ANKAR: variants seen among roughly 807,000 people sequenced by gnomAD.
The protein encoded by ANKAR is ankyrin and armadillo repeat containing.
In ANKAR, 136 loss-of-function variants were observed where a neutral mutation model predicts 146.2. The observed-to-expected ratio is 0.93, with a 90% CI of 0.81 to 1.07. ANKAR has a LOEUF of 1.07. ANKAR is among the 50% of genes least tolerant of loss of function. The pLI is 0.00. For missense variants in ANKAR, 1,567 were observed against 1,679.9 expected, an observed-to-expected ratio of 0.93 and a Z score of 1.18; for synonymous variants, 500 against 575.8, an observed-to-expected ratio of 0.87 and a Z score of 1.88.
chr2:189,706,112 G>C (rs2038909013), intron 8 of ANKAR, among the ~76,000 whole-genome samples: 1 of 151,792 alleles, frequency 6.6e-6, no homozygotes, highest in East Asian at 2.0e-4. Flanking sequence ...GAAGAAAGAA[G>C]AGGCCAGGTG....
rs981097247 is a variant in ANKAR, at chr2:189,743,536, T to A, written c.4010+62T>A. The A allele has an allele frequency of 1.4e-5, 20 of 1,415,590 alleles. No homozygotes were observed. The South Asian group carries it at 2.2e-4, about 16-fold the overall frequency. The allele number at this position is 1,415,590 out of a possible 1,614,324, so 87.7% of individuals were successfully genotyped here. On this transcript the variant is annotated intron_variant, in intron 21 of 22. Transcript: ENST00000684021. ...ATCGATAGAGGAGACTTTAATGAGG[T>A]TTAGTAAGATCCAACAAGAGGAACT...
At chr2:189,719,894 A>T in intron 11 of ANKAR, 81 bp downstream of exon 11, 3 of 1,349,242 alleles carry the variant, frequency 2.2e-6, no homozygotes, top group Non-Finnish European at 3.0e-6. Context: ...AACCCACGTT[A>T]CTATTCAGTG....
intron 20 of ANKAR, among the ~76,000 whole-genome samples, chr2:189,742,905 G>C (rs1350147308): frequency 2.4e-3 from 82 of 33,488 alleles, no homozygotes; most frequent in Non-Finnish European, 2.9e-3. Flanking sequence ...AGAATTACCT[G>C]ACACACACAC....
intron 11 of ANKAR, 35 bp from the exon 12 acceptor site, chr2:189,720,580 TAAAC>T: frequency 7.8e-7 from 1 of 1,282,946 alleles, no homozygotes; most frequent in South Asian, 2.6e-5. Context: ...ACATTTATCT[TAAAC>T]AAATTCAAAT....
chr2:189,754,067 G>A (rs2045691911), intron 18 of ANKAR: 2 of 1,612,158 alleles, frequency 1.2e-6, no homozygotes, highest in East Asian at 2.2e-5. Context: ...CTCAATACCT[G>A]CAGAAATGAG....
intron 22 of ANKAR, among the ~76,000 whole-genome samples, chr2:189,745,027 C>CTACTACTAA (rs376824673): frequency 2.3e-5 from 3 of 131,094 alleles, no homozygotes; most frequent in African/African-American, 8.4e-5. Flanking sequence ...ACTACTACTA[C>CTACTACTAA]TAATAATACA....
chr2:189,724,896 GAAAT>G (rs1255510687), intron 12 of ANKAR, among the ~76,000 whole-genome samples: 1 of 152,038 alleles, frequency 6.6e-6, no homozygotes, highest in Non-Finnish European at 1.5e-5. Flanking sequence ...AATGAAAACT[GAAAT>G]AAATTGTATA....
intron 4 of ANKAR, 60 bp from the exon 5 acceptor site, chr2:189,693,014 T>C: frequency 3.3e-6 from 3 of 896,682 alleles, no homozygotes; most frequent in Non-Finnish European, 5.0e-6. Flanking sequence ...TACAAAGAAT[T>C]CTTATAATTG....
At chr2:189,722,582 T>C (rs985152926) in intron 12 of ANKAR, among the ~76,000 whole-genome samples, 1 of 151,906 alleles carries the variant, frequency 6.6e-6, no homozygotes, top group Non-Finnish European at 1.5e-5. Flanking sequence ...ATAAATGAGT[T>C]CATGAAAGAA....
intron 21 of ANKAR, among the ~76,000 whole-genome samples, chr2:189,744,103 G>T (rs1049448937): frequency 6.6e-6 from 1 of 152,176 alleles, no homozygotes; most frequent in African/African-American, 2.4e-5. Flanking sequence ...ATAGGAAATA[G>T]AACTACTCAA....
chr2:189,755,824 A>C (rs921855814), intron 18 of ANKAR, among the ~76,000 whole-genome samples: 1 of 152,332 alleles, frequency 6.6e-6, no homozygotes, highest in East Asian at 1.9e-4. Flanking sequence ...CACCAAAATA[A>C]TCTTGTAAAG....
chr2:189,753,091 G>A, intron 18 of ANKAR: 1 of 999,770 alleles, frequency 1.0e-6, no homozygotes, highest in Non-Finnish European at 1.4e-6. Flanking sequence ...ATCCCATTTT[G>A]AGATGGGTAA....
At chr2:189,750,574 G>A (rs2045011892), downstream of ANKAR, 1 of 1,536,238 alleles carries the variant, frequency 6.5e-7, no homozygotes, top group Admixed American at 1.8e-5. Context: ...TTGAACAGCA[G>A]AAATCATATC....
chr2:189,707,820 G>C (rs891533449), intron 9 of ANKAR, among the ~76,000 whole-genome samples: 4 of 151,992 alleles, frequency 2.6e-5, no homozygotes, highest in South Asian at 2.1e-4. Context: ...TAAACTATTG[G>C]AAGATGGAAA....
At chr2:189,739,309 A>G (rs2043123523) in intron 19 of ANKAR, among the ~76,000 whole-genome samples, 1 of 152,184 alleles carries the variant, frequency 6.6e-6, no homozygotes, top group Non-Finnish European at 1.5e-5. Flanking sequence ...ACCAATATAA[A>G]CAAATAAGTA....
intron 10 of ANKAR, among the ~76,000 whole-genome samples, chr2:189,718,637 CTATT>C (rs929320149): frequency 2.0e-5 from 3 of 151,912 alleles, no homozygotes; most frequent in Non-Finnish European, 4.4e-5. Flanking sequence ...TTTATTATAT[CTATT>C]ATATTTTCTG....
intron 20 of ANKAR, among the ~76,000 whole-genome samples, chr2:189,742,444 C>A (rs2043425990): frequency 6.6e-6 from 1 of 152,086 alleles, no homozygotes; most frequent in Non-Finnish European, 1.5e-5. Context: ...AGGGTATTTT[C>A]TTCAAAGAAC....
intron 12 of ANKAR, among the ~76,000 whole-genome samples, chr2:189,725,211 GTGTA>G (rs2041734705): frequency 6.6e-6 from 1 of 152,028 alleles, no homozygotes; most frequent in African/African-American, 2.4e-5. Flanking sequence ...AAATGTATGT[GTGTA>G]TGTATGAGTG....
At chr2:189,686,527 T>C (rs1193856586) in intron 2 of ANKAR, among the ~76,000 whole-genome samples, 2 of 152,184 alleles carry the variant, frequency 1.3e-5, no homozygotes, top group African/African-American at 4.8e-5. Context: ...GCTGGCAGTT[T>C]CTTTGTTTAT....
Sources: allele counts gnomAD v4.1 joint callset (sites outside exome capture counted in the v4.1 genomes callset), GRCh38; gene constraint gnomAD v4.1.1; transcripts MANE v1.5; gene names NCBI Gene and HGNC (gene_info 2026-07-23, HGNC 2026-07-21).